Variants in NCOA7 observed in about 807,000 individuals in gnomAD.
NCOA7 encodes the protein 140 kDa estrogen receptor-associated protein.
In NCOA7, 45 loss-of-function variants were observed where a neutral mutation model predicts 104.3. The ratio of observed to expected loss-of-function variants is 0.43; its 90% confidence interval spans 0.34 to 0.55. NCOA7 has a LOEUF of 0.55. Ranked by LOEUF, NCOA7 falls within the 20% of genes least tolerant of loss-of-function variation. The pLI is 0.02. For missense variants in NCOA7, 1,041 were observed against 1,119.7 expected, an observed-to-expected ratio of 0.93 and a Z score of 1.00; for synonymous variants, 398 against 402.3, an observed-to-expected ratio of 0.99 and a Z score of 0.13.
intron 1 of NCOA7, among the ~76,000 whole-genome samples, chr6:125,784,924 C>T (rs1175824753): frequency 6.6e-6 from 1 of 151,922 alleles, no homozygotes; most frequent in African/African-American, 2.4e-5. Context: ...TTATGGGAGC[C>T]TCATGGTGAT....
At chr6:125,897,512 T>C (rs377127686) in intron 10 of NCOA7, among the ~76,000 whole-genome samples, 10 of 152,248 alleles carry the variant, frequency 6.6e-5, no homozygotes, top group African/African-American at 2.4e-4. Context: ...TTATTTTTCC[T>C]GGAATTGGCA....
chr6:125,789,349 A>T (rs1774631772), upstream of NCOA7, among the ~76,000 whole-genome samples: 6 of 152,178 alleles, frequency 3.9e-5, no homozygotes, highest in Admixed American at 3.9e-4. Flanking sequence ...ATCTCAAAAA[A>T]TCTTAGCTAT....
chr6:125,923,778 T>C (rs1787789400), intron 13 of NCOA7, among the ~76,000 whole-genome samples: 1 of 152,214 alleles, frequency 6.6e-6, no homozygotes, highest in African/African-American at 2.4e-5. Flanking sequence ...AAGCACAACA[T>C]TTTTATACTG....
intron 4 of NCOA7, 38 bp downstream of exon 4, chr6:125,875,006 G>A (rs897467378): frequency 2.1e-6 from 3 of 1,431,064 alleles, no homozygotes; most frequent in South Asian, 1.1e-5. Flanking sequence ...TTTGTTAATA[G>A]CACTACATTT....
intron 2 of NCOA7, among the ~76,000 whole-genome samples, chr6:125,818,148 C>T (rs1358021097): frequency 1.3e-5 from 2 of 151,604 alleles, no homozygotes; most frequent in East Asian, 3.9e-4. Context: ...TCTTCACTTG[C>T]CCTACATAGT....
intron 10 of NCOA7, among the ~76,000 whole-genome samples, chr6:125,894,796 T>G (rs1784881408): frequency 6.6e-6 from 1 of 150,888 alleles, no homozygotes; most frequent in Non-Finnish European, 1.5e-5. Context: ...AAATGGGAAA[T>G]GGGTTAAAAT....
chr6:125,922,632 G>A (rs763125297), intron 12 of NCOA7, 50 bp from the exon 13 acceptor site: 2 of 1,585,770 alleles, frequency 1.3e-6, no homozygotes, highest in East Asian at 2.3e-5. Flanking sequence ...ATGTTCGTGA[G>A]CAATTTGTGG....
At position 125,929,558 on chromosome 6, in the gene NCOA7, A is replaced by G. The variant is rs994997812; in HGVS notation, c.*787A>G. ...TATAATTCTAAATTTCTAAAAACTC[A>G]TTATGAATGTTCATCAATTTGACTA... On this transcript the variant is annotated 3_prime_UTR_variant, in exon 16 of 16. Transcript: ENST00000392477. The G allele has an allele frequency of 6.6e-6, 1 of 152,138 alleles. No individual in the cohort carries two copies. Among genetic ancestry groups the G allele is most frequent in the African/African-American group, 2.4e-5 (1 of 41,444 alleles). 9.4% of individuals were successfully genotyped at this position (152,138 alleles called of 1,614,324 possible). A position where few individuals can be genotyped will look rare whatever the true frequency, so the allele number is the denominator to read the frequency against.
chr6:125,807,310 C>T (rs1776554893), intron 1 of NCOA7, among the ~76,000 whole-genome samples: 2 of 152,160 alleles, frequency 1.3e-5, no homozygotes, highest in African/African-American at 2.4e-5. Flanking sequence ...CCTGTTTGTT[C>T]TAATTTCCCT....
intron 2 of NCOA7, among the ~76,000 whole-genome samples, chr6:125,838,322 T>G (rs1334973544): frequency 1.3e-5 from 2 of 152,046 alleles, no homozygotes; most frequent in African/African-American, 4.8e-5. Context: ...AGGCCTGGCT[T>G]GTGAAGGTAG....
At chr6:125,875,077 A>G (rs1314534641) in intron 4 of NCOA7, 109 bp downstream of exon 4, 1 of 758,612 alleles carries the variant, frequency 1.3e-6, no homozygotes, top group Non-Finnish European at 2.2e-6. Context: ...TGTACCCATT[A>G]AACAATCAAG....
At chr6:125,795,864 A>G (rs572128207) in intron 1 of NCOA7, among the ~76,000 whole-genome samples, 1 of 152,182 alleles carries the variant, frequency 6.6e-6, no homozygotes, top group Non-Finnish European at 1.5e-5. Flanking sequence ...AAACCTGATG[A>G]AAGTTCAAGT....
At position 125,889,292 on chromosome 6, in the gene NCOA7, A is replaced by T; in HGVS notation, c.1238A>T (p.Asp413Val). ...GCCAAAGAAAACTTTCTAGGGGAAGATGATGATTTTGTTGACTTGGAAGAA... is the reference window on the plus strand; with the variant it reads ...GCCAAAGAAAACTTTCTAGGGGAAGTTGATGATTTTGTTGACTTGGAAGAA... ...STAKENFLGE[D>V]DDFVDLEELS... Residue 413 changes from aspartate to valine, a missense_variant, in exon 9 of 16, where the codon GAT becomes GTT. Transcript: ENST00000392477. 6.2e-7 allele frequency: 1 copy of T among 1,614,142 alleles called. No homozygotes were observed. The highest frequency in any genetic ancestry group is 8.5e-7 in the Non-Finnish European group (1 of 1,180,002).
intron 14 of NCOA7, 100 bp downstream of exon 14, chr6:125,927,858 C>T: frequency 1.0e-6 from 1 of 995,720 alleles, no homozygotes; most frequent in Admixed American, 1.8e-5. Flanking sequence ...GTAACTTCTC[C>T]TGAACTGACT....
intron 2 of NCOA7, among the ~76,000 whole-genome samples, chr6:125,816,908 A>G (rs1284856125): frequency 1.3e-5 from 2 of 152,172 alleles, no homozygotes. Context: ...CCCACATGCT[A>G]CCTTTTTGTA....
chr6:125,849,784 A>C, intron 2 of NCOA7, among the ~76,000 whole-genome samples: 1 of 152,244 alleles, frequency 6.6e-6, no homozygotes, highest in Admixed American at 6.5e-5. Flanking sequence ...AAAGAAATAC[A>C]AATGCAAAAT....
At chr6:125,881,765 CTT>C (rs980119736) in intron 6 of NCOA7, among the ~76,000 whole-genome samples, 1 of 147,930 alleles carries the variant, frequency 6.8e-6, no homozygotes, top group African/African-American at 2.5e-5. Context: ...TGTATTCCTC[CTT>C]TTTTTAAAAA....
At chr6:125,829,433 A>G (rs1778955042) in intron 2 of NCOA7, among the ~76,000 whole-genome samples, 1 of 152,212 alleles carries the variant, frequency 6.6e-6, no homozygotes, top group Non-Finnish European at 1.5e-5. Context: ...GTGAGGACCA[A>G]TCATTCATAT....
intron 2 of NCOA7, among the ~76,000 whole-genome samples, chr6:125,841,821 T>C (rs1025131196): frequency 3.9e-5 from 6 of 152,142 alleles, no homozygotes; most frequent in Admixed American, 1.3e-4. Context: ...AGATGTTGAA[T>C]GGACATGTTG....
Sources: gnomAD v4.1 joint callset for allele counts (sites outside exome capture counted in the v4.1 genomes callset) on GRCh38, gnomAD v4.1.1 for gene constraint, MANE v1.5 for transcripts, NCBI Gene and HGNC (gene_info 2026-07-23, HGNC 2026-07-21) for gene names.